The following PDIA3 variants were observed in gnomAD, a reference collection of about 807,000 sequenced individuals.
The protein encoded by PDIA3 is protein disulfide isomerase family A member 3, also known as protein disulfide-isomerase A3.
PDIA3 carries 16 observed loss-of-function variants against 56.9 expected under a neutral mutation model. That is an observed-to-expected ratio of 0.28 (90% CI 0.19 to 0.43). The LOEUF (loss-of-function observed/expected upper bound fraction) is 0.43, where lower values mean the gene tolerates loss of function less well. PDIA3 is among the 20% of genes least tolerant of loss of function. The pLI is 1.00. For missense variants in PDIA3, 485 were observed against 621.3 expected (o/e 0.78, Z 2.33); for synonymous variants, 192 against 216.5 (o/e 0.89, Z 0.99).
chr15:43,765,248 G>A (rs898518144), intron 5 of PDIA3, among the ~76,000 whole-genome samples: 11 of 151,970 alleles, frequency 7.2e-5, no homozygotes, highest in African/African-American at 2.7e-4. Context: ...GTGCATGGTG[G>A]TGCACACCTG....
chr15:43,751,634 A>G (rs573378362), intron 1 of PDIA3: 84 of 1,303,024 alleles, frequency 6.4e-5, no homozygotes, highest in Non-Finnish European at 8.1e-5. Flanking sequence ...CCTCATTGAA[A>G]CTCTTTTTGT....
chr15:43,773,050 T>C lies in PDIA3; in HGVS notation c.*1832T>C. The C allele has an allele frequency of 7.1e-7, 1 of 1,405,566 alleles. No individual in the cohort carries two copies. The highest frequency in any genetic ancestry group is 9.7e-7 in the Non-Finnish European group (1 of 1,029,586). 87.1% of individuals were successfully genotyped at this position (1,405,566 alleles called of 1,614,324 possible). ...GAAAAGCAGATAGTTGCATTCTATTTAGTTTATAGCTGCTTTGTTCCTTTG... is the reference window on the plus strand; with the variant it reads ...GAAAAGCAGATAGTTGCATTCTATTCAGTTTATAGCTGCTTTGTTCCTTTG... On this transcript the variant is annotated 3_prime_UTR_variant, in exon 13 of 13. Coordinates refer to ENST00000300289, the MANE Select transcript of PDIA3 (RefSeq NM_005313.5).
At chr15:43,769,924 A>T (rs771655992) in intron 10 of PDIA3, among the ~76,000 whole-genome samples, 1 of 152,244 alleles carries the variant, frequency 6.6e-6, no homozygotes. Context: ...ACATGAATCC[A>T]TATGGTCCTT....
At position 43,756,689 on chromosome 15, in the gene PDIA3, G is replaced by A. The variant is rs1305475053; in HGVS notation, c.287G>A (p.Gly96Glu). 1.9e-6 allele frequency: 3 copies of A among 1,609,384 alleles called. No individual in the cohort carries two copies. In the African/African-American group the frequency reaches 4.0e-5, roughly 22 times the overall value. ...TANTNTCNKYGVSGYPTLKIF... is the reference protein window; with the variant it reads ...TANTNTCNKYEVSGYPTLKIF... ...AACACTAACACCTGTAATAAATATGGAGTCAGTGGATATCCAACCCTGAAG... is the reference window on the plus strand; with the variant it reads ...AACACTAACACCTGTAATAAATATGAAGTCAGTGGATATCCAACCCTGAAG... The change falls in exon 3 of 13, where the codon GGA becomes GAA. Residue 96 changes from glycine to glutamate, a missense_variant. Gly to Glu is a moderately conservative substitution (Grantham distance 98). Coordinates refer to ENST00000300289, the MANE Select transcript of PDIA3 (RefSeq NM_005313.5).
chr15:43,754,022 A>AT (rs2086761074), intron 2 of PDIA3, 120 bp downstream of exon 2: 1 of 708,738 alleles, frequency 1.4e-6, no homozygotes, highest in East Asian at 2.6e-5. Context: ...ATTAACATTC[A>AT]TTTTCTCTAC....
intron 8 of PDIA3, among the ~76,000 whole-genome samples, chr15:43,767,331 A>C (rs984244468): frequency 1.3e-5 from 2 of 152,208 alleles, no homozygotes; most frequent in African/African-American, 4.8e-5. Flanking sequence ...TGGCCTGGGC[A>C]ACAAGAGCGA....
intron 5 of PDIA3, among the ~76,000 whole-genome samples, chr15:43,763,420 T>A (rs2086829713): frequency 6.6e-6 from 1 of 152,168 alleles, no homozygotes; most frequent in Admixed American, 6.5e-5. Context: ...ACCCTGCTAA[T>A]TTTTGTATTT....
chr15:43,751,485 TTG>T lies in PDIA3; in HGVS notation c.168-2335_168-2334del, dbSNP rs200321704. 31 of 696,070 alleles carry T rather than the reference TTG, an allele frequency of 4.5e-5. No homozygotes were observed. The East Asian group carries it at 1.8e-3, about 39-fold the overall frequency. 43.1% of individuals were successfully genotyped at this position (696,070 alleles called of 1,614,324 possible). On this transcript the variant is annotated intron_variant, in intron 1 of 12. Coordinates refer to ENST00000300289, the MANE Select transcript of PDIA3 (RefSeq NM_005313.5). ...CATCCCTGAGGATAGATAGAATTAATTGTGTTTTAATATTTTCTAGGGGTGGG... is the reference window on the plus strand; with the variant it reads ...CATCCCTGAGGATAGATAGAATTAATTGTTTTAATATTTTCTAGGGGTGGG...
At position 43,773,042 on chromosome 15, in the gene PDIA3, A is replaced by G. The variant is rs2086890491; in HGVS notation, c.*1824A>G. On this transcript the variant is annotated 3_prime_UTR_variant, in exon 13 of 13. Coordinates refer to ENST00000300289, the MANE Select transcript of PDIA3 (RefSeq NM_005313.5). ...CAGCATAAGAAAAGCAGATAGTTGC[A>G]TTCTATTTAGTTTATAGCTGCTTTG... The G allele has an allele frequency of 1.5e-6, 2 of 1,348,910 alleles. No homozygotes were observed. The highest frequency in any genetic ancestry group is 1.5e-5 in the African/African-American group (1 of 68,294). The allele number at this position is 1,348,910 out of a possible 1,614,324, so 83.6% of individuals were successfully genotyped here. A position where few individuals can be genotyped will look rare whatever the true frequency, so the allele number is the denominator to read the frequency against.
At chr15:43,748,310 C>T (rs2086720427) in intron 1 of PDIA3, among the ~76,000 whole-genome samples, 1 of 151,546 alleles carries the variant, frequency 6.6e-6, no homozygotes, top group South Asian at 2.1e-4. Context: ...AAACCCCCGT[C>T]TCTACTAAAA....
Position 43,772,887 on chromosome 15 carries a change from C to T in PDIA3, c.*1669C>T, listed in dbSNP as rs1317828523. On this transcript the variant is annotated 3_prime_UTR_variant, in exon 13 of 13. Transcript: ENST00000300289. ...AAAGGTAAAAAAGCCAAGCCTCTGT[C>T]ACTTTTCCTAGACTCCTAGGCACAG... 2.7e-6 allele frequency: 1 copy of T among 374,994 alleles called. No homozygotes were observed. Among genetic ancestry groups the T allele is most frequent in the Admixed American group, 4.4e-5 (1 of 22,528 alleles). 23.2% of individuals were successfully genotyped at this position (374,994 alleles called of 1,614,324 possible). A position where few individuals can be genotyped will look rare whatever the true frequency, so the allele number is the denominator to read the frequency against.
At chr15:43,755,644 TG>T (rs1400760325) in intron 2 of PDIA3, among the ~76,000 whole-genome samples, 1 of 152,182 alleles carries the variant, frequency 6.6e-6, no homozygotes, top group East Asian at 1.9e-4. Context: ...CCAGGCGCTG[TG>T]GCTCACGCCT....
In PDIA3 at chr15:43,761,325, A is replaced by G. The variant is rs2086814720; in HGVS notation, c.365-99A>G. Reference sequence around the variant, plus strand: ...AAGGGTGGCAAGAAGATTTCATCTTATACCCTTTTGTACCTTCTGAATTGT... The same window carrying G: ...AAGGGTGGCAAGAAGATTTCATCTTGTACCCTTTTGTACCTTCTGAATTGT... On this transcript the variant is annotated intron_variant, in intron 3 of 12. Transcript: ENST00000300289. The G allele has an allele frequency of 1.2e-5, 7 of 582,092 alleles. No homozygotes were observed. The South Asian group carries it at 1.3e-4, about 11-fold the overall frequency. The allele number at this position is 582,092 out of a possible 1,614,324, so 36.1% of individuals were successfully genotyped here. A position where few individuals can be genotyped will look rare whatever the true frequency, so the allele number is the denominator to read the frequency against.
chr15:43,767,769 C>CAAAAAAA (rs11294471), intron 8 of PDIA3, among the ~76,000 whole-genome samples: 1 of 73,464 alleles, frequency 1.4e-5, no homozygotes, highest in Non-Finnish European at 2.6e-5. Flanking sequence ...GACTCTGTCT[C>CAAAAAAA]AAAAAAAAAA....
chr15:43,749,170 T>G (rs2086727542), intron 1 of PDIA3, among the ~76,000 whole-genome samples: 1 of 152,080 alleles, frequency 6.6e-6, no homozygotes, highest in Non-Finnish European at 1.5e-5. Context: ...CTGGGCTCAC[T>G]GCAACCTCCG....
At chr15:43,759,645 T>G (rs752998361) in intron 3 of PDIA3, among the ~76,000 whole-genome samples, 1 of 152,180 alleles carries the variant, frequency 6.6e-6, no homozygotes, top group Non-Finnish European at 1.5e-5. Context: ...AAGTATCTTA[T>G]CAGTGAATGA....
Position 43,770,348 on chromosome 15 carries a change from A to C in PDIA3, c.1346+19A>C, listed in dbSNP as rs1374791662. 1 of 1,594,510 alleles carries C rather than the reference A, an allele frequency of 6.3e-7. No individual in the cohort carries two copies. Among genetic ancestry groups the C allele is most frequent in the East Asian group, 2.2e-5 (1 of 44,772 alleles). On this transcript the variant is annotated intron_variant, in intron 11 of 12. Transcript: ENST00000300289. ...TCAGAGGGTAAGTGGCTTAAAACTTAACAAAAGTGTCTAGGCAATAGATAG... is the reference window on the plus strand; with the variant it reads ...TCAGAGGGTAAGTGGCTTAAAACTTCACAAAAGTGTCTAGGCAATAGATAG...
At chr15:43,762,843 C>G (rs1190981982) in intron 4 of PDIA3, among the ~76,000 whole-genome samples, 1 of 152,134 alleles carries the variant, frequency 6.6e-6, no homozygotes, top group Non-Finnish European at 1.5e-5. Context: ...AAAATGAAGA[C>G]TTGAACACTG....
At position 43,771,823 on chromosome 15, in the gene PDIA3, G is replaced by GT; in HGVS notation, c.*608dup. The GT allele has an allele frequency of 2.5e-6, 1 of 392,806 alleles. No individual in the cohort carries two copies. Among genetic ancestry groups the GT allele is most frequent in the East Asian group, 3.6e-5 (1 of 27,736 alleles). 24.3% of individuals were successfully genotyped at this position (392,806 alleles called of 1,614,324 possible). On this transcript the variant is annotated 3_prime_UTR_variant, in exon 13 of 13. Coordinates refer to ENST00000300289, the MANE Select transcript of PDIA3 (RefSeq NM_005313.5). ...TTATTATCTCTTTCTCTCCTTACAT[G>GT]TTTATTTCCCAGGCCTACCCTGGTG...
Sources: allele counts gnomAD v4.1 joint callset (sites outside exome capture counted in the v4.1 genomes callset), GRCh38; gene constraint gnomAD v4.1.1; transcripts MANE v1.5; gene names NCBI Gene and HGNC (gene_info 2026-07-23, HGNC 2026-07-21).